TBC1D12: variants seen among roughly 807,000 people sequenced by gnomAD.
TBC1D12 encodes the protein TBC1 domain family member 12, also known as TBC1 domain family, member 12.
TBC1D12 carries 56 observed loss-of-function variants against 86.7 expected under a neutral mutation model. The ratio of observed to expected loss-of-function variants is 0.65; its 90% CI spans 0.52 to 0.81. TBC1D12 has a LOEUF of 0.81. Among genes scored for constraint, TBC1D12 ranks in the 30% least tolerant of loss-of-function variants. The pLI, the probability that TBC1D12 is intolerant of heterozygous loss-of-function variation, is 0.00. For missense variants in TBC1D12, 1,023 were observed against 1,038.8 expected, an observed-to-expected ratio of 0.98 and a Z score of 0.21; for synonymous variants, 421 against 411.7, an observed-to-expected ratio of 1.02 and a Z score of -0.27.
chr10:94,506,313 A>G (rs1281151374), intron 6 of TBC1D12, among the ~76,000 whole-genome samples: 1 of 152,232 alleles, frequency 6.6e-6, no homozygotes, highest in African/African-American at 2.4e-5. Flanking sequence ...TGCTGGGATT[A>G]CAGGCATGAG....
chr10:94,527,422 T>C (rs1442732123), intron 11 of TBC1D12, among the ~76,000 whole-genome samples: 1 of 151,514 alleles, frequency 6.6e-6, no homozygotes, highest in Non-Finnish European at 1.5e-5. Context: ...TGTTGAGATA[T>C]TTAAGTTCCT....
intron 2 of TBC1D12, among the ~76,000 whole-genome samples, chr10:94,473,867 A>C (rs2055947123): frequency 6.6e-6 from 1 of 152,200 alleles, no homozygotes; most frequent in African/African-American, 2.4e-5. Context: ...AAATTAATTT[A>C]TTTTAATTAG....
At chr10:94,510,259 C>T in intron 8 of TBC1D12, 80 bp downstream of exon 8, 1 of 1,014,792 alleles carries the variant, frequency 9.9e-7, no homozygotes, top group Non-Finnish European at 1.4e-6. Flanking sequence ...AAATGAATAG[C>T]TATTACTTTA....
chr10:94,433,874 C>CT (rs954880690), intron 1 of TBC1D12, among the ~76,000 whole-genome samples: 27 of 149,256 alleles, frequency 1.8e-4, no homozygotes, highest in African/African-American at 3.7e-4. Flanking sequence ...GAATGGAATG[C>CT]TTTTTTTTTT....
At chr10:94,438,239 G>C (rs1020096426) in intron 1 of TBC1D12, among the ~76,000 whole-genome samples, 1 of 151,332 alleles carries the variant, frequency 6.6e-6, no homozygotes, top group Non-Finnish European at 1.5e-5. Flanking sequence ...TGCTTGTTGA[G>C]GGCTGAAGCC....
chr10:94,417,741 T>C (rs1202904946), intron 1 of TBC1D12, among the ~76,000 whole-genome samples: 1 of 147,164 alleles, frequency 6.8e-6, no homozygotes, highest in Non-Finnish European at 1.5e-5. Context: ...TGTATATGTG[T>C]CTCTTCTTCT....
intron 1 of TBC1D12, among the ~76,000 whole-genome samples, chr10:94,431,160 A>G (rs1362672638): frequency 1.3e-5 from 2 of 152,138 alleles, no homozygotes; most frequent in Non-Finnish European, 1.5e-5. Context: ...CACTCCTGTA[A>G]TCCCAGCACT....
At position 94,403,465 on chromosome 10, in the gene TBC1D12, C is replaced by T. The variant is rs1208461327; in HGVS notation, c.852C>T (p.Ser284=). 6.5e-7 allele frequency: 1 copy of T among 1,542,468 alleles called. No individual in the cohort carries two copies. Among genetic ancestry groups the T allele is most frequent in the Non-Finnish European group, 8.7e-7 (1 of 1,144,740 alleles). Residue 284 remains serine, a synonymous_variant, in exon 1 of 13, where the codon AGC becomes AGT. Transcript: ENST00000225235. ...CGTTCCAGGTGAGCCGCGGTCAGAG[C>T]GCCCGCGATCACCTGCCCCCGGCGG... ...RNTFQVSRGQ[S]ARDHLPPAGP...
At chr10:94,493,563 T>C (rs2056274744) in intron 4 of TBC1D12, 116 bp downstream of exon 4, 2 of 844,040 alleles carry the variant, frequency 2.4e-6, no homozygotes, top group Admixed American at 5.8e-5. Flanking sequence ...ATTTCTTTTT[T>C]CGTTTCTTTT....
chr10:94,442,371 T>C (rs1002759135), intron 2 of TBC1D12, among the ~76,000 whole-genome samples: 1 of 152,314 alleles, frequency 6.6e-6, no homozygotes, highest in Admixed American at 6.5e-5. Context: ...GTGGCACAGA[T>C]GTTCTGAATA....
At position 94,478,268 on chromosome 10, in the gene TBC1D12, A is replaced by T. The variant is rs527720729; in HGVS notation, c.1211+3485A>T. The stretch of plus-strand genomic sequence containing the variant: ...CAGAGTGAAACCCTGTCTCAGAAAA[A>T]ATAAAATAAGATGACAGAGATTGCA... On this transcript the variant is annotated intron_variant, in intron 3 of 12. Transcript: ENST00000225235. Among the ~76,000 whole-genome samples the T allele has an allele frequency of 3.3e-5, 5 of 152,302 alleles. No homozygotes were observed. The South Asian group carries it at 8.3e-4, about 25-fold the overall frequency.
At chr10:94,474,109 C>T (rs1049642481) in intron 2 of TBC1D12, among the ~76,000 whole-genome samples, 1 of 152,004 alleles carries the variant, frequency 6.6e-6, no homozygotes, top group South Asian at 2.1e-4. Context: ...GTGGCATTAT[C>T]TATATCTTGT....
intron 3 of TBC1D12, among the ~76,000 whole-genome samples, chr10:94,480,205 C>T (rs2056056507): frequency 6.6e-6 from 1 of 152,018 alleles, no homozygotes; most frequent in South Asian, 2.1e-4. Context: ...GCTGTAAGCC[C>T]CTTTGGGGAA....
At chr10:94,449,706 C>T (rs1452366411) in intron 2 of TBC1D12, among the ~76,000 whole-genome samples, 2 of 152,164 alleles carry the variant, frequency 1.3e-5, no homozygotes, top group Non-Finnish European at 2.9e-5. Flanking sequence ...TCCTACTGTC[C>T]ATTGAAACTC....
chr10:94,455,009 A>G (rs1430739971), intron 2 of TBC1D12, among the ~76,000 whole-genome samples: 1 of 152,260 alleles, frequency 6.6e-6, no homozygotes, highest in East Asian at 1.9e-4. Context: ...GATGTTAGCT[A>G]TGGGTTTTTT....
At chr10:94,407,737 C>T (rs953269155) in intron 1 of TBC1D12, among the ~76,000 whole-genome samples, 15 of 151,122 alleles carry the variant, frequency 9.9e-5, no homozygotes, top group African/African-American at 3.4e-4. Context: ...GGAGTGAAAG[C>T]TTTTTTGAAG....
chr10:94,440,974 C>T (rs1017083699), intron 1 of TBC1D12, among the ~76,000 whole-genome samples: 64 of 152,210 alleles, frequency 4.2e-4, no homozygotes, highest in African/African-American at 1.3e-3. Flanking sequence ...CTCAGCTTCC[C>T]GAGTAGCTGG....
intron 1 of TBC1D12, among the ~76,000 whole-genome samples, chr10:94,409,498 A>G (rs11598846): frequency 6.6e-6 from 1 of 151,416 alleles, no homozygotes; most frequent in Non-Finnish European, 1.5e-5. Flanking sequence ...CAGCCTCCCA[A>G]GTAGCTGAGA....
At chr10:94,446,999 GGAGGTAGAGGTTGCAGT>G (rs1255370741) in intron 2 of TBC1D12, among the ~76,000 whole-genome samples, 2 of 150,882 alleles carry the variant, frequency 1.3e-5, no homozygotes, top group Non-Finnish European at 2.9e-5. Context: ...CTTGAACCTG[GGAGGTAGAGGTTGCAGT>G]GAGCCGAGGT....
Sources: allele counts gnomAD v4.1 joint callset (sites outside exome capture counted in the v4.1 genomes callset), GRCh38; gene constraint gnomAD v4.1.1; transcripts MANE v1.5; gene names NCBI Gene and HGNC (gene_info 2026-07-23, HGNC 2026-07-21).